Variants in CFAP46 observed in about 807,000 individuals in gnomAD.
CFAP46 encodes cilia- and flagella-associated protein 46.
CFAP46 carries 245 observed loss-of-function variants against 325.7 expected under a neutral mutation model. The ratio of observed to expected loss-of-function variants is 0.75; its 90% CI spans 0.68 to 0.84. The LOEUF (loss-of-function observed/expected upper bound fraction) is 0.84. CFAP46 is among the 40% of genes least tolerant of loss of function. The probability of loss-of-function intolerance (pLI) is 0.00; values close to 1 mark genes in which losing one functional copy is unlikely to be tolerated. For missense variants in CFAP46, 3,346 were observed against 3,543.0 expected, an observed-to-expected ratio of 0.94 and a Z score of 1.41; for synonymous variants, 1,523 against 1,495.9, an observed-to-expected ratio of 1.02 and a Z score of -0.42.
intron 35 of CFAP46, among the ~76,000 whole-genome samples, chr10:132,865,709 C>T (rs1564784139): frequency 1.3e-5 from 2 of 152,228 alleles, no homozygotes; most frequent in African/African-American, 4.8e-5. Flanking sequence ...CTCGTCCAGC[C>T]TCAGAAGGTA....
chr10:132,850,442 G>A lies in CFAP46; in HGVS notation c.5764-10C>T, dbSNP rs1186165796. ...TCAGCGTGAACCATTGCTTCGAAAAGACAGACATGTTACAGCTGCCACCCC... is the reference window on the plus strand; with the variant it reads ...TCAGCGTGAACCATTGCTTCGAAAAAACAGACATGTTACAGCTGCCACCCC... On this transcript the variant is annotated splice_polypyrimidine_tract_variant and intron_variant, in intron 40 of 57. Coordinates refer to ENST00000368586, the MANE Select transcript of CFAP46 (RefSeq NM_001200049.3). 1 of 1,548,194 alleles carries A rather than the reference G, an allele frequency of 6.5e-7. No individual in the cohort carries two copies. The highest frequency in any genetic ancestry group is 8.8e-7 in the Non-Finnish European group (1 of 1,142,848).
At chr10:132,904,117 A>C (rs1849424772) in intron 22 of CFAP46, among the ~76,000 whole-genome samples, 2 of 152,254 alleles carry the variant, frequency 1.3e-5, no homozygotes, top group Admixed American at 1.3e-4. Flanking sequence ...ATAATTTTCA[A>C]AACGGAAAGA....
intron 48 of CFAP46, among the ~76,000 whole-genome samples, chr10:132,834,324 A>C (rs922555595): frequency 2.6e-5 from 4 of 152,148 alleles, no homozygotes; most frequent in Non-Finnish European, 5.9e-5. Context: ...CAGCCAAGCT[A>C]AACGGTGCCA....
At chr10:132,830,052 A>C (rs1013823170) in intron 50 of CFAP46, among the ~76,000 whole-genome samples, 1 of 151,330 alleles carries the variant, frequency 6.6e-6, no homozygotes, top group African/African-American at 2.4e-5. Context: ...TCAGAAAATC[A>C]GTTGGGAAGC....
At position 132,916,566 on chromosome 10, in the gene CFAP46, A is replaced by G; in HGVS notation, c.2103T>C (p.Ala701=). 2 of 1,547,980 alleles carry G rather than the reference A, an allele frequency of 1.3e-6. No individual in the cohort carries two copies. The highest frequency in any genetic ancestry group is 1.7e-6 in the Non-Finnish European group (2 of 1,145,822). ...CTGCCCACCTGTATGTGATCCACTC[A>G]GCATTCACCTCCGGGGGCTCAGGCA... ...GYVPEPPEVN[A]EWITYRTWIE... Residue 701 remains alanine, a synonymous_variant, in exon 17 of 58, where the codon GCT becomes GCC. Coordinates refer to ENST00000368586, the MANE Select transcript of CFAP46 (RefSeq NM_001200049.3).
At position 132,919,050 on chromosome 10, in the gene CFAP46, C is replaced by A. The variant is rs1336719570; in HGVS notation, c.1858+265G>T. The stretch of plus-strand genomic sequence containing the variant: ...GGCATCTGCTCACTGGCTGTGGTGG[C>A]CCCTGCCTGAGCCTCCGAGGCCCCC... On this transcript the variant is annotated intron_variant, in intron 15 of 57. Coordinates refer to ENST00000368586, the MANE Select transcript of CFAP46 (RefSeq NM_001200049.3). The surrounding 1 kb of genome is among the most constrained non-coding windows in gnomAD (Gnocchi z 9.7). Among the ~76,000 whole-genome samples, 2 of 152,122 alleles carry A rather than the reference C, an allele frequency of 1.3e-5. No homozygotes were observed. Among genetic ancestry groups the A allele is most frequent in the Non-Finnish European group, 2.9e-5 (2 of 68,020 alleles).
At position 132,817,917 on chromosome 10, in the gene CFAP46, C is replaced by G. The variant is rs1847724753; in HGVS notation, c.7118-3003G>C. Among the ~76,000 whole-genome samples the G allele has an allele frequency of 6.6e-6, 1 of 152,222 alleles. No individual in the cohort carries two copies. The highest frequency in any genetic ancestry group is 2.1e-4 in the South Asian group (1 of 4,824). On this transcript the variant is annotated intron_variant, in intron 50 of 57. Coordinates refer to ENST00000368586, the MANE Select transcript of CFAP46 (RefSeq NM_001200049.3). The surrounding 1 kb of genome is among the most constrained non-coding windows in gnomAD (Gnocchi z 4.4). The stretch of plus-strand genomic sequence containing the variant: ...GGAGGCTCCCGGGGAGAATCCTCTC[C>G]TGGCTCCTGGCCACGCCCTCCATCC...
intron 17 of CFAP46, among the ~76,000 whole-genome samples, chr10:132,915,339 G>A (rs1393121105): frequency 6.6e-6 from 1 of 152,250 alleles, no homozygotes; most frequent in African/African-American, 2.4e-5. Flanking sequence ...GAGGCCCGGG[G>A]TGGGCCTGGG....
At chr10:132,849,236 G>A (rs991777497) in intron 41 of CFAP46, among the ~76,000 whole-genome samples, 5 of 152,166 alleles carry the variant, frequency 3.3e-5, no homozygotes, top group East Asian at 1.9e-4. Flanking sequence ...ACACCCACCC[G>A]CTACCTGAGC....
intron 31 of CFAP46, among the ~76,000 whole-genome samples, chr10:132,873,350 TG>T (rs1261912192): frequency 6.6e-6 from 1 of 152,174 alleles, no homozygotes; most frequent in East Asian, 1.9e-4. Flanking sequence ...AAAGAATGAC[TG>T]GGCCAAGATC....
intron 50 of CFAP46, among the ~76,000 whole-genome samples, chr10:132,820,074 A>G (rs913645841): frequency 6.6e-6 from 1 of 151,530 alleles, no homozygotes; most frequent in Non-Finnish European, 1.5e-5. Flanking sequence ...AGAACGGGCC[A>G]AGGACCTGAA....
chr10:132,823,874 T>C (rs1847958889), intron 50 of CFAP46, among the ~76,000 whole-genome samples: 1 of 147,688 alleles, frequency 6.8e-6, no homozygotes, highest in Non-Finnish European at 1.5e-5. Context: ...GTCTGTGCGC[T>C]GATGTGCGCT....
At chr10:132,866,277 A>G in intron 34 of CFAP46, 106 bp from the exon 35 acceptor site, 1 of 1,199,380 alleles carries the variant, frequency 8.3e-7, no homozygotes, top group Non-Finnish European at 1.1e-6. Context: ...ACAGGGAGCC[A>G]CACCACACCA....
intron 50 of CFAP46, among the ~76,000 whole-genome samples, chr10:132,825,804 G>A (rs938968579): frequency 5.3e-5 from 8 of 152,136 alleles, no homozygotes; most frequent in South Asian, 2.1e-4. Flanking sequence ...CAGAAGAACC[G>A]GTGAGAGACA....
At chr10:132,923,790 G>A (rs1849765262) in intron 11 of CFAP46, among the ~76,000 whole-genome samples, 1 of 152,184 alleles carries the variant, frequency 6.6e-6, no homozygotes, top group Non-Finnish European at 1.5e-5. Context: ...TGTGTGAAAT[G>A]AGCTGGAGTG....
intron 50 of CFAP46, among the ~76,000 whole-genome samples, chr10:132,815,579 C>T (rs761171031): frequency 2.0e-5 from 3 of 152,242 alleles, no homozygotes; most frequent in Non-Finnish European, 4.4e-5. Context: ...TTTTCCCCTG[C>T]GCTGACTGAA....
chr10:132,914,757 C>T (rs1591088393), intron 17 of CFAP46, among the ~76,000 whole-genome samples: 1 of 70,544 alleles, frequency 1.4e-5, no homozygotes, highest in Non-Finnish European at 2.8e-5. Flanking sequence ...CACCCCGGCC[C>T]GAGGCTGTGT....
intron 44 of CFAP46, among the ~76,000 whole-genome samples, chr10:132,837,586 T>G (rs531155454): frequency 1.1e-4 from 7 of 66,452 alleles, no homozygotes; most frequent in South Asian, 1.2e-3. Flanking sequence ...CATGCACACG[T>G]ACACAGATGC....
chr10:132,815,076 A>G (rs957474168), intron 50 of CFAP46, among the ~76,000 whole-genome samples, 162 bp from the exon 51 acceptor site: 1 of 152,190 alleles, frequency 6.6e-6, no homozygotes, highest in Non-Finnish European at 1.5e-5. Context: ...TGACGTGGCA[A>G]TAACTTGTGA....
Sources: allele counts gnomAD v4.1 joint callset (sites outside exome capture counted in the v4.1 genomes callset), GRCh38; gene constraint gnomAD v4.1.1; non-coding constraint Gnocchi (gnomAD v3.1); transcripts MANE v1.5; gene names NCBI Gene and HGNC (gene_info 2026-07-23, HGNC 2026-07-21).